Variants in CFTR observed in about 807,000 individuals in gnomAD.
CFTR encodes cystic fibrosis transmembrane conductance regulator.
CFTR carries 181 observed loss-of-function variants against 171.6 expected under a neutral mutation model. The observed-to-expected ratio is 1.05, with a 90% CI of 0.93 to 1.19. CFTR has a LOEUF of 1.19. CFTR is among the 50% of genes most tolerant of loss of function. The probability of loss-of-function intolerance (pLI) is 0.00; values close to 1 mark genes in which losing one functional copy is unlikely to be tolerated. For missense variants in CFTR, 1,968 were observed against 1,734.7 expected (o/e 1.13, Z -2.39); for synonymous variants, 583 against 608.0 (o/e 0.96, Z 0.60).
chr7:117,660,543 T>C (rs1470283509), intron 24 of CFTR, among the ~76,000 whole-genome samples: 1 of 151,898 alleles, frequency 6.6e-6, no homozygotes, highest in East Asian at 1.9e-4. Context: ...GGCAGGAGAA[T>C]TGTTTGAACC....
chr7:117,651,313 G>A (rs372329760), intron 23 of CFTR, among the ~76,000 whole-genome samples: 181 of 152,114 alleles, frequency 1.2e-3, no homozygotes, highest in African/African-American at 4.0e-3. Context: ...TATAAAAAAA[G>A]CAAATGGAAA....
chr7:117,567,688 G>T (rs1441914474), intron 11 of CFTR, among the ~76,000 whole-genome samples: 2 of 152,112 alleles, frequency 1.3e-5, no homozygotes, highest in African/African-American at 4.8e-5. Context: ...CAGATATTTG[G>T]GGGGCAAAGA....
intron 15 of CFTR, among the ~76,000 whole-genome samples, chr7:117,601,997 C>T (rs561307917): frequency 1.3e-5 from 2 of 152,174 alleles, no homozygotes; most frequent in Admixed American, 1.3e-4. Context: ...CTGAATGTAC[C>T]TTATCTTTAT....
Position 117,573,036 on chromosome 7 carries a change from T to TTCTC in CFTR, c.1584+13399_1584+13402dup, listed in dbSNP as rs146811028. Among the ~76,000 whole-genome samples, 35 of 144,282 alleles carry TTCTC rather than the reference T, an allele frequency of 2.4e-4. 1 individual carries two copies. Among genetic ancestry groups the TTCTC allele is most frequent in the South Asian group, 4.3e-4 (2 of 4,620 alleles). 94.7% of individuals were successfully genotyped at this position (144,282 alleles called of 152,430 possible). A position where few individuals can be genotyped will look rare whatever the true frequency, so the allele number is the denominator to read the frequency against. ...ACCATTAAATGTAACACTCCACCCT[T>TTCTC]TCTCTCTCTCTCTCTCTCTCTTGCT... On this transcript the variant is annotated intron_variant, in intron 11 of 26. Coordinates refer to ENST00000003084, the MANE Select transcript of CFTR (RefSeq NM_000492.4).
intron 1 of CFTR, among the ~76,000 whole-genome samples, chr7:117,501,776 C>A (rs200550364): frequency 0.063 from 5,077 of 80,236 alleles, no homozygotes; most frequent in Middle Eastern, 0.12. Context: ...AAAAAAGAAA[C>A]AAAAAAAAAA....
intron 11 of CFTR, among the ~76,000 whole-genome samples, chr7:117,573,745 C>T (rs534322916): frequency 2.2e-4 from 34 of 152,116 alleles, no homozygotes; most frequent in Non-Finnish European, 4.9e-4. Flanking sequence ...TTTCAGGGCC[C>T]TTTCAACAAT....
At chr7:117,487,745 G>T (rs1487890672) in intron 1 of CFTR, 1 of 152,058 alleles carries the variant, frequency 6.6e-6, no homozygotes, top group Non-Finnish European at 1.5e-5. Flanking sequence ...GCCTAGTGAA[G>T]GCTTAATAAT....
intron 3 of CFTR, among the ~76,000 whole-genome samples, chr7:117,529,701 A>ATC (rs1418316407): frequency 6.6e-6 from 1 of 152,094 alleles, no homozygotes; most frequent in East Asian, 1.9e-4. Context: ...AAGCATGGTC[A>ATC]TCTATTGAGA....
intron 5 of CFTR, 50 bp from the exon 6 acceptor site, chr7:117,535,198 G>C (rs1264933446): frequency 3.1e-6 from 5 of 1,587,618 alleles, no homozygotes; most frequent in Non-Finnish European, 4.3e-6. Context: ...TTAGTTTCTA[G>C]GGGTGGAAGA....
intron 3 of CFTR, among the ~76,000 whole-genome samples, chr7:117,510,633 C>A (rs1305444883): frequency 6.6e-6 from 1 of 152,012 alleles, no homozygotes; most frequent in African/African-American, 2.4e-5. Flanking sequence ...CTATGCTCTG[C>A]TTGGCTTGTA....
In CFTR at chr7:117,540,325, T is replaced by C. The variant is rs1415080740; in HGVS notation, c.1095T>C (p.Leu365=). ...CTGTACAAACATGGTATGACTCTCT[T>C]GGAGCAATAAACAAAATACAGGTAA... is the stretch of plus-strand genomic sequence containing the variant. ...PWAVQTWYDS[L]GAINKIQDFL... is the part of the protein sequence containing the mutation. The change falls in exon 8 of 27, where the codon CTT becomes CTC. Residue 365 remains leucine, a synonymous_variant. Transcript: ENST00000003084. 6.2e-7 allele frequency: 1 copy of C among 1,613,738 alleles called. No homozygotes were observed. The highest frequency in any genetic ancestry group is 1.3e-5 in the African/African-American group (1 of 74,912).
rs79635528 is a variant in CFTR at position 117,611,695 on chromosome 7, A to C, written c.3254A>C (p.His1085Pro). 1.2e-6 allele frequency: 2 copies of C among 1,613,584 alleles called. No individual in the cohort carries two copies. The highest frequency in any genetic ancestry group is 1.7e-6 in the Non-Finnish European group (2 of 1,179,738). The change falls in exon 20 of 27, where the codon CAT (histidine) becomes CCT (proline). Residue 1085 changes from histidine (H) to proline (P), a missense_variant. Transcript: ENST00000003084. ...ETLFHKALNL[H>P]TANWFLYLST... ...CTGTTCCACAAAGCTCTGAATTTACATACTGCCAACTGGTTCTTGTACCTG... is the reference window on the plus strand; with the variant it reads ...CTGTTCCACAAAGCTCTGAATTTACCTACTGCCAACTGGTTCTTGTACCTG...
chr7:117,505,502 G>A (rs911747175), intron 2 of CFTR, among the ~76,000 whole-genome samples: 3 of 152,056 alleles, frequency 2.0e-5, no homozygotes, highest in African/African-American at 4.8e-5. Context: ...TTCTCAGACC[G>A]GACCAGCTTT....
At chr7:117,606,901 A>C in intron 18 of CFTR, 148 bp downstream of exon 18, 1 of 671,296 alleles carries the variant, frequency 1.5e-6, no homozygotes, top group Non-Finnish European at 2.7e-6. Context: ...AAGCCTTCAA[A>C]ATAGACATAA....
At chr7:117,501,465 G>A (rs1162613418) in intron 1 of CFTR, among the ~76,000 whole-genome samples, 1 of 151,262 alleles carries the variant, frequency 6.6e-6, no homozygotes, top group Non-Finnish European at 1.5e-5. Flanking sequence ...TCAAAAGTTG[G>A]CTGGGCGCAC....
chr7:117,597,830 C>T lies in CFTR; in HGVS notation c.2619+2772C>T, dbSNP rs1485096548. Among the ~76,000 whole-genome samples, 9 of 149,602 alleles carry T rather than the reference C, an allele frequency of 6.0e-5. No individual in the cohort carries two copies. The South Asian group carries it at 1.1e-3, about 18-fold the overall frequency. ...CACCAAGTTAAAAAAAAAAAAGGGG[C>T]GGGGGGGCAGAATGAAAATTGCATG... On this transcript the variant is annotated intron_variant, in intron 15 of 26. Coordinates refer to ENST00000003084, the MANE Select transcript of CFTR (RefSeq NM_000492.4).
intron 3 of CFTR, among the ~76,000 whole-genome samples, chr7:117,525,082 G>A (rs1270811114): frequency 3.3e-5 from 5 of 152,130 alleles, no homozygotes; most frequent in Non-Finnish European, 7.4e-5. Flanking sequence ...CAGTTAACAT[G>A]TAATATTTGG....
At chr7:117,660,956 T>C (rs1793269797) in intron 24 of CFTR, among the ~76,000 whole-genome samples, 1 of 152,088 alleles carries the variant, frequency 6.6e-6, no homozygotes, top group Non-Finnish European at 1.5e-5. Context: ...TTTAATAAAC[T>C]CTCATTAAGA....
At chr7:117,522,065 A>G (rs922655114) in intron 3 of CFTR, among the ~76,000 whole-genome samples, 6 of 152,088 alleles carry the variant, frequency 3.9e-5, no homozygotes, top group Non-Finnish European at 8.8e-5. Context: ...AGTCTTCCAA[A>G]TTTTCCCTGG....
Sources: gnomAD v4.1 joint callset for allele counts (sites outside exome capture counted in the v4.1 genomes callset) on GRCh38, gnomAD v4.1.1 for gene constraint, MANE v1.5 for transcripts, NCBI Gene and HGNC (gene_info 2026-07-23, HGNC 2026-07-21) for gene names.